The following USO1 variants were observed in gnomAD, a reference collection of about 807,000 sequenced individuals.
The protein encoded by USO1 is general vesicular transport factor p115.
USO1 carries 57 observed loss-of-function variants against 124.5 expected under a neutral mutation model. The ratio of observed to expected loss-of-function variants is 0.46; its 90% CI spans 0.37 to 0.57. The LOEUF is 0.57. Ranked by LOEUF, USO1 falls within the 20% of genes least tolerant of loss-of-function variation. The pLI is 0.00. For synonymous variants in USO1, 369 were observed against 362.8 expected, an observed-to-expected ratio of 1.02 and a Z score of -0.19; for missense variants, 900 against 1,040.6, an observed-to-expected ratio of 0.86 and a Z score of 1.86.
intron 1 of USO1, among the ~76,000 whole-genome samples, chr4:75,741,499 G>C (rs532903133): frequency 2.3e-4 from 34 of 149,248 alleles, no homozygotes; most frequent in African/African-American, 7.9e-4. Context: ...AAAGCTTTCT[G>C]TAATAATGCT....
chr4:75,792,870 T>G (rs1722570975), intron 12 of USO1, among the ~76,000 whole-genome samples: 1 of 152,140 alleles, frequency 6.6e-6, no homozygotes, highest in Admixed American at 6.5e-5. Context: ...CTTTCTAATC[T>G]CTGTGTCCAT....
At chr4:75,759,246 C>CATTTTTTTTTTTTTTTTTTT in intron 4 of USO1, among the ~76,000 whole-genome samples, 1 of 69,124 alleles carries the variant, frequency 1.4e-5, no homozygotes. Context: ...TATTAAGGAC[C>CATTTTTTTTTTTTTTTTTTT]TTTTTTTTTT....
At chr4:75,772,988 C>T (rs956787987) in intron 7 of USO1, among the ~76,000 whole-genome samples, 4 of 151,814 alleles carry the variant, frequency 2.6e-5, no homozygotes, top group Non-Finnish European at 4.4e-5. Flanking sequence ...ATACCAGCTA[C>T]TTGGGAGGCT....
At chr4:75,800,982 C>A in intron 16 of USO1, 97 bp from the exon 17 acceptor site, 1 of 1,382,124 alleles carries the variant, frequency 7.2e-7, no homozygotes, top group Non-Finnish European at 9.6e-7. Flanking sequence ...TATTTCTTAC[C>A]TATCATGGAG....
At chr4:75,777,533 A>G (rs1251424893) in intron 8 of USO1, among the ~76,000 whole-genome samples, 1 of 152,220 alleles carries the variant, frequency 6.6e-6, no homozygotes, top group Non-Finnish European at 1.5e-5. Flanking sequence ...TAGACAAATG[A>G]TCTGAACAGA....
chr4:75,806,458 T>C (rs1722999070), intron 19 of USO1, 28 bp from the exon 20 acceptor site: 5 of 1,550,954 alleles, frequency 3.2e-6, no homozygotes, highest in Non-Finnish European at 8.7e-7. Flanking sequence ...TGAATATATT[T>C]TATAGTTTAT....
chr4:75,753,364 C>A (rs1721342751), intron 3 of USO1, among the ~76,000 whole-genome samples: 1 of 145,964 alleles, frequency 6.9e-6, no homozygotes, highest in African/African-American at 2.7e-5. Context: ...GAAACCCGGT[C>A]TCTACTAAAA....
rs1045144320 is a variant in USO1 at position 75,724,803 on chromosome 4, G to A, written c.-17G>A. ...TTTTTCCGGAGGGGCCGGTAAACCT[G>A]GTGGCTGAACGGCAAGATGAATTTC... On this transcript the variant is annotated 5_prime_UTR_variant, in exon 1 of 24. Transcript: ENST00000514213. 2.5e-6 allele frequency: 4 copies of A among 1,613,798 alleles called. No individual in the cohort carries two copies. Among genetic ancestry groups the A allele is most frequent in the Non-Finnish European group, 1.7e-6 (2 of 1,179,794 alleles).
chr4:75,812,410 T>A (rs1723176379), intron 23 of USO1, 35 bp downstream of exon 23: 1 of 1,525,006 alleles, frequency 6.6e-7, no homozygotes. Flanking sequence ...TGATTTGTAT[T>A]ATGTTTTAGT....
At chr4:75,725,540 TA>T (rs1720401544) in intron 1 of USO1, among the ~76,000 whole-genome samples, 1 of 151,798 alleles carries the variant, frequency 6.6e-6, no homozygotes, top group Non-Finnish European at 1.5e-5. Flanking sequence ...GTAGGGATCT[TA>T]AGCGCTCAAA....
chr4:75,804,785 A>C (rs1044184462), intron 18 of USO1, among the ~76,000 whole-genome samples: 1 of 152,228 alleles, frequency 6.6e-6, no homozygotes, highest in African/African-American at 2.4e-5. Flanking sequence ...AAATGGCAAG[A>C]GCTCCACTGC....
chr4:75,770,655 T>G, intron 5 of USO1, 116 bp downstream of exon 5: 1 of 1,459,406 alleles, frequency 6.9e-7, no homozygotes, highest in Middle Eastern at 1.8e-4. Flanking sequence ...TTTATTGTAT[T>G]ATAGCAAGAG....
At chr4:75,751,243 ACT>A (rs1490456552) in intron 1 of USO1, among the ~76,000 whole-genome samples, 1 of 150,382 alleles carries the variant, frequency 6.6e-6, no homozygotes, top group Non-Finnish European at 1.5e-5. Context: ...ACGGAACCTC[ACT>A]CTGTCACTCA....
chr4:75,741,402 C>T (rs1323077709), intron 1 of USO1, among the ~76,000 whole-genome samples: 1 of 152,110 alleles, frequency 6.6e-6, no homozygotes, highest in Non-Finnish European at 1.5e-5. Context: ...CTTAAGGCTA[C>T]ACTAAATTCA....
At position 75,790,211 on chromosome 4, in the gene USO1, C is replaced by G; in HGVS notation, c.1058C>G (p.Ser353Cys). The change falls in exon 11 of 24, where the codon TCT becomes TGT. Residue 353 changes from serine to cysteine, a missense_variant. Around this residue, in one of 2 missense-constraint regions of USO1, gnomAD observed 538 missense variants for 681.6 expected, o/e 0.79. Transcript: ENST00000514213. ...CAAGTAAACCAAGACTACTTTGCAT[C>G]TGTAAATGCACCTTCAAACCCACCA... ...GCQVNQDYFA[S>C]VNAPSNPPRP... is the part of the protein sequence containing the mutation. 2.5e-6 allele frequency: 4 copies of G among 1,601,952 alleles called. No homozygotes were observed. The highest frequency in any genetic ancestry group is 3.4e-6 in the Non-Finnish European group (4 of 1,173,972).
At chr4:75,799,297 G>A (rs1284854473) in intron 13 of USO1, among the ~76,000 whole-genome samples, 1 of 151,854 alleles carries the variant, frequency 6.6e-6, no homozygotes, top group African/African-American at 2.4e-5. Context: ...AGGGTCTTGG[G>A]ATTAATAGAT....
chr4:75,784,057 A>G (rs188510563), intron 9 of USO1, among the ~76,000 whole-genome samples: 168 of 152,336 alleles, frequency 1.1e-3, no homozygotes, highest in African/African-American at 3.8e-3. Context: ...GTTCTTACTT[A>G]GTTGCCTAGG....
At chr4:75,770,670 A>G in intron 5 of USO1, 131 bp downstream of exon 5, 1 of 1,450,624 alleles carries the variant, frequency 6.9e-7, no homozygotes, top group African/African-American at 1.5e-5. Context: ...CAAGAGATCC[A>G]CATGGATGTT....
Position 75,812,282 on chromosome 4 carries a change from T to C in USO1, c.2706T>C (p.Ser902=). 1 of 1,607,818 alleles carries C rather than the reference T, an allele frequency of 6.2e-7. No individual in the cohort carries two copies. Among genetic ancestry groups the C allele is most frequent in the Non-Finnish European group, 8.5e-7 (1 of 1,176,950 alleles). The stretch of plus-strand genomic sequence containing the variant: ...AACTAGAGTTGGAAATTACAGATTC[T>C]AAAAAAGAACAAGATGATCTCTTGG... ...KDKLELEITD[S]KKEQDDLLVL... is the part of the protein sequence containing the mutation. The change falls in exon 23 of 24, where the codon TCT becomes TCC. Residue 902 remains serine (S), a synonymous_variant. Coordinates refer to ENST00000514213, the MANE Select transcript of USO1 (RefSeq NM_003715.4).
Sources: gnomAD v4.1 joint callset for allele counts (sites outside exome capture counted in the v4.1 genomes callset) on GRCh38, gnomAD v4.1.1 for gene constraint, gnomAD v4.1.1 regional missense constraint, MANE v1.5 for transcripts, NCBI Gene and HGNC (gene_info 2026-07-23, HGNC 2026-07-21) for gene names.